Variants in ARFGEF3 observed in about 807,000 individuals in gnomAD.
The protein encoded by ARFGEF3 is ARFGEF family member 3, also known as brefeldin A-inhibited guanine nucleotide-exchange protein 3.
In ARFGEF3, 96 loss-of-function variants were observed where a neutral mutation model predicts 221.7. That is an observed-to-expected ratio of 0.43 (90% CI 0.37 to 0.51). The LOEUF is 0.51. ARFGEF3 is among the 20% of genes least tolerant of loss of function. ARFGEF3 has a pLI of 0.00. For synonymous variants in ARFGEF3, 1,145 were observed against 1,126.8 expected, an observed-to-expected ratio of 1.02 and a Z score of -0.32; for missense variants, 2,410 against 2,789.9, an observed-to-expected ratio of 0.86 and a Z score of 3.07.
chr6:138,194,794 T>C (rs781404445), intron 2 of ARFGEF3, among the ~76,000 whole-genome samples: 5 of 151,940 alleles, frequency 3.3e-5, no homozygotes, highest in Non-Finnish European at 5.9e-5. Context: ...TCCAGGAATA[T>C]TGCTCAGTTA....
intron 2 of ARFGEF3, among the ~76,000 whole-genome samples, chr6:138,179,545 G>A (rs773299573): frequency 3.3e-5 from 5 of 151,210 alleles, no homozygotes; most frequent in Non-Finnish European, 5.9e-5. Context: ...GCTTCATTTT[G>A]CCTGCCTTGT....
chr6:138,207,126 A>G lies in ARFGEF3; in HGVS notation c.219+3A>G. The G allele has an allele frequency of 6.2e-7, 1 of 1,608,820 alleles. No individual in the cohort carries two copies. The highest frequency in any genetic ancestry group is 8.5e-7 in the Non-Finnish European group (1 of 1,177,412). On this transcript the variant is annotated splice_donor_region_variant and intron_variant, in intron 3 of 33. Transcript: ENST00000251691. ...AACATGCTTTGGCAGGGATGCAGGT[A>G]TGGCTTTGACTGAATGCAATGGGAT...
rs762219363 is a variant in ARFGEF3, at chr6:138,298,618, A to G, written c.3661A>G (p.Lys1221Glu). Residue 1221 changes from lysine (K) to glutamate (E), a missense_variant, in exon 22 of 34, where the codon AAG (lysine) becomes GAG (glutamate). Around this residue, in one of 5 missense-constraint regions of ARFGEF3, gnomAD observed 723 missense variants for 991.9 expected, o/e 0.73. Coordinates refer to ENST00000251691, the MANE Select transcript of ARFGEF3 (RefSeq NM_020340.5). Reference sequence around the variant, plus strand: ...GTGAATTTTGCAGGCTGCTTGCCATAAGGAAAGACATGTGTCTCAGAAGGC... The same window carrying G: ...GTGAATTTTGCAGGCTGCTTGCCATGAGGAAAGACATGTGTCTCAGAAGGC... Reference protein sequence around the residue: ...APHLVEAACHKERHVSQKAVS... With the variant: ...APHLVEAACHEERHVSQKAVS... The G allele has an allele frequency of 1.2e-6, 2 of 1,612,250 alleles. No individual in the cohort carries two copies. The highest frequency in any genetic ancestry group is 4.5e-5 in the East Asian group (2 of 44,842).
At chr6:138,237,526 A>G (rs1182363029) in intron 5 of ARFGEF3, among the ~76,000 whole-genome samples, 1 of 152,006 alleles carries the variant, frequency 6.6e-6, no homozygotes, top group Non-Finnish European at 1.5e-5. Flanking sequence ...TTTTTTTCTA[A>G]TTGAGATTTC....
intron 12 of ARFGEF3, among the ~76,000 whole-genome samples, chr6:138,265,778 G>A (rs1277521168): frequency 1.3e-5 from 2 of 152,090 alleles, no homozygotes; most frequent in African/African-American, 2.4e-5. Context: ...GTAAATTGAT[G>A]AAGTTGTACT....
At chr6:138,260,548 G>A (rs1024033866) in intron 10 of ARFGEF3, among the ~76,000 whole-genome samples, 3 of 152,132 alleles carry the variant, frequency 2.0e-5, no homozygotes, top group Non-Finnish European at 2.9e-5. Flanking sequence ...GGGAGGATAT[G>A]TATAGCTTTA....
At chr6:138,287,448 G>A (rs1406265417) in intron 17 of ARFGEF3, among the ~76,000 whole-genome samples, 1 of 152,224 alleles carries the variant, frequency 6.6e-6, no homozygotes, top group Non-Finnish European at 1.5e-5. Flanking sequence ...GGACCCACCT[G>A]GCTGAACTGT....
intron 14 of ARFGEF3, among the ~76,000 whole-genome samples, chr6:138,284,906 T>C (rs940087846): frequency 3.3e-5 from 5 of 152,238 alleles, no homozygotes; most frequent in Admixed American, 6.5e-5. Flanking sequence ...ACCTGCACCG[T>C]GTGTATTGAA....
At chr6:138,323,630 AACAAC>A (rs1254627609) in intron 29 of ARFGEF3, 36 bp from the exon 30 acceptor site, 2 of 1,584,594 alleles carry the variant, frequency 1.3e-6, no homozygotes. Flanking sequence ...AAACAACAAC[AACAAC>A]AAAAAAAAAA....
In ARFGEF3 at chr6:138,261,605, T is replaced by A. The variant is rs1458226934; in HGVS notation, c.1183T>A (p.Ser395Thr). The stretch of plus-strand genomic sequence containing the variant: ...ATCAGAGTCCAGAAAAAGATCAATT[T>A]CAAAAAGAAAGTCTCATCTGGATCT... ...TESESRKRSI[S>T]KRKSHLDLLK... is the part of the protein sequence containing the mutation. Residue 395 changes from serine to threonine, a missense_variant, in exon 11 of 34, where the codon TCA (serine) becomes ACA (threonine). Ser to Thr is a moderately conservative substitution (Grantham distance 58). This residue lies in a region of ARFGEF3 where 570 missense variants were observed against 586.9 expected (regional missense o/e 0.97). Coordinates refer to ENST00000251691, the MANE Select transcript of ARFGEF3 (RefSeq NM_020340.5). 6 of 1,570,382 alleles carry A rather than the reference T, an allele frequency of 3.8e-6. No individual in the cohort carries two copies. The highest frequency in any genetic ancestry group is 3.5e-6 in the Non-Finnish European group (4 of 1,156,300).
At chr6:138,290,192 C>T (rs1412716658) in intron 18 of ARFGEF3, among the ~76,000 whole-genome samples, 1 of 152,172 alleles carries the variant, frequency 6.6e-6, no homozygotes, top group African/African-American at 2.4e-5. Flanking sequence ...AGAACTGGGT[C>T]TGAGGAATTG....
chr6:138,245,068 G>A (rs886384183), intron 7 of ARFGEF3, among the ~76,000 whole-genome samples: 2 of 152,132 alleles, frequency 1.3e-5, no homozygotes, highest in African/African-American at 2.4e-5. Flanking sequence ...TTGGGAGGCC[G>A]AGGTGGGTGG....
chr6:138,218,294 C>A, intron 4 of ARFGEF3: 1 of 1,589,198 alleles, frequency 6.3e-7, no homozygotes, highest in Non-Finnish European at 8.6e-7. Flanking sequence ...TGCCTGGTAG[C>A]CTTGGGAAGT....
At chr6:138,196,015 G>GA (rs34299963) in intron 2 of ARFGEF3, among the ~76,000 whole-genome samples, 20 of 147,668 alleles carry the variant, frequency 1.4e-4, no homozygotes, top group Non-Finnish European at 2.7e-4. Context: ...AAAAAGAAAA[G>GA]AAAAAAAAAG....
At chr6:138,295,949 G>A (rs1442956215) in intron 20 of ARFGEF3, among the ~76,000 whole-genome samples, 2 of 152,220 alleles carry the variant, frequency 1.3e-5, no homozygotes, top group Admixed American at 6.5e-5. Flanking sequence ...AATGAATTTT[G>A]TGTTTAGACT....
In ARFGEF3 at chr6:138,333,956, CTT is replaced by C; in HGVS notation, c.5124-11_5124-10del. On this transcript the variant is annotated splice_polypyrimidine_tract_variant and intron_variant, in intron 32 of 33. Transcript: ENST00000251691. ...CAGAAAACCATTAATCGAGCCCTCTCTTTTCACTTGAAGCGTGTCTTTCAGGG... is the reference window on the plus strand; with the variant it reads ...CAGAAAACCATTAATCGAGCCCTCTCTTCACTTGAAGCGTGTCTTTCAGGG... The C allele has an allele frequency of 6.3e-7, 1 of 1,593,214 alleles. No individual in the cohort carries two copies. Among genetic ancestry groups the C allele is most frequent in the Non-Finnish European group, 8.6e-7 (1 of 1,167,154 alleles).
In ARFGEF3 at chr6:138,209,843, A is replaced by G. The variant is rs116456650; in HGVS notation, c.220-67A>G. On this transcript the variant is annotated intron_variant, in intron 3 of 33. Coordinates refer to ENST00000251691, the MANE Select transcript of ARFGEF3 (RefSeq NM_020340.5). ...AGAAAACTGATCATCAATCCATAAT[A>G]AGATACAACCAAATAAGGCAGCAGG... is the stretch of plus-strand genomic sequence containing the variant. 2.3e-3 allele frequency: 3,586 copies of G among 1,572,064 alleles called. 32 individuals carry two copies. Among genetic ancestry groups the G allele is most frequent in the South Asian group, 0.022 (1,900 of 84,870 alleles).
chr6:138,267,311 G>C lies in ARFGEF3; in HGVS notation c.2128+3700G>C, dbSNP rs571715219. On this transcript the variant is annotated intron_variant, in intron 12 of 33. Transcript: ENST00000251691. ...ATGGTGGTGCATGCCTGTAATCCCAGTTACTCAGGAGGCTGAGGCAGGAGA... is the reference window on the plus strand; with the variant it reads ...ATGGTGGTGCATGCCTGTAATCCCACTTACTCAGGAGGCTGAGGCAGGAGA... 3.4e-3 allele frequency among the ~76,000 whole-genome samples: 520 copies of C among 152,200 alleles called. 3 individuals are homozygous for C. Among genetic ancestry groups the C allele is most frequent in the African/African-American group, 0.012 (500 of 41,522 alleles).
intron 17 of ARFGEF3, among the ~76,000 whole-genome samples, chr6:138,289,115 G>A (rs533007664): frequency 1.0e-3 from 157 of 152,150 alleles, no homozygotes; most frequent in East Asian, 4.6e-3. Flanking sequence ...CACCATGCCC[G>A]GCTAATTTTG....
Sources: gnomAD v4.1 joint callset for allele counts (sites outside exome capture counted in the v4.1 genomes callset) on GRCh38, gnomAD v4.1.1 for gene constraint, gnomAD v4.1.1 regional missense constraint, MANE v1.5 for transcripts, NCBI Gene and HGNC (gene_info 2026-07-23, HGNC 2026-07-21) for gene names.